CNTNAP2: variants seen among roughly 807,000 people sequenced by gnomAD.
The protein encoded by CNTNAP2 is contactin associated protein 2, also known as contactin-associated protein-like 2.
In CNTNAP2, 98 loss-of-function variants were observed where a neutral mutation model predicts 155.2. The observed-to-expected ratio is 0.63, with a 90% CI of 0.54 to 0.75. The LOEUF (loss-of-function observed/expected upper bound fraction) is 0.75. Ranked by LOEUF, CNTNAP2 falls within the 30% of genes least tolerant of loss-of-function variation. CNTNAP2 has a pLI of 0.00. For missense variants in CNTNAP2, 1,727 were observed against 1,688.1 expected, an observed-to-expected ratio of 1.02 and a Z score of -0.40; for synonymous variants, 651 against 631.2, an observed-to-expected ratio of 1.03 and a Z score of -0.47.
intron 22 of CNTNAP2, among the ~76,000 whole-genome samples, chr7:148,386,909 T>C (rs1417620320): frequency 1.3e-5 from 2 of 152,158 alleles, no homozygotes; most frequent in African/African-American, 4.8e-5. Context: ...AAAAGGCCTC[T>C]ATAGGAGGAA....
chr7:146,831,669 C>CAAA (rs531970313), intron 2 of CNTNAP2, among the ~76,000 whole-genome samples: 276 of 16,778 alleles, frequency 0.016, 24 homozygotes, highest in African/African-American at 0.041. Context: ...AGCAAGACGC[C>CAAA]AAAAAAAAAA....
intron 20 of CNTNAP2, among the ~76,000 whole-genome samples, chr7:148,248,735 CT>C (rs890621737): frequency 1.4e-4 from 21 of 152,088 alleles, no homozygotes; most frequent in Admixed American, 2.6e-4. Context: ...ATAGAGCAGA[CT>C]TTTTTTTATT....
chr7:147,441,971 A>G (rs1329428671), intron 10 of CNTNAP2, among the ~76,000 whole-genome samples: 1 of 151,234 alleles, frequency 6.6e-6, no homozygotes, highest in Non-Finnish European at 1.5e-5. Flanking sequence ...TGAAGCCAGC[A>G]CAGCACTGGG....
At chr7:146,545,323 C>T (rs2533527) in intron 1 of CNTNAP2, among the ~76,000 whole-genome samples, 5,025 of 151,868 alleles carry the variant, frequency 0.033, 292 homozygotes, top group African/African-American at 0.11. Context: ...CACAAAAAAA[C>T]AAAAACTGAT....
intron 3 of CNTNAP2, among the ~76,000 whole-genome samples, chr7:146,846,695 A>G (rs1004293832): frequency 6.6e-6 from 1 of 152,182 alleles, no homozygotes; most frequent in Non-Finnish European, 1.5e-5. Flanking sequence ...GAACTGTTCT[A>G]ACAAATATGG....
chr7:146,621,500 C>T (rs1799316338), intron 1 of CNTNAP2, among the ~76,000 whole-genome samples: 3 of 152,168 alleles, frequency 2.0e-5, no homozygotes, highest in Non-Finnish European at 4.4e-5. Flanking sequence ...TCAGACTTTA[C>T]TTACTTATAA....
chr7:146,566,577 G>C (rs1428307783), intron 1 of CNTNAP2, among the ~76,000 whole-genome samples: 2 of 151,964 alleles, frequency 1.3e-5, no homozygotes, highest in Non-Finnish European at 2.9e-5. Flanking sequence ...GGCGCCTGTA[G>C]TCCCAGCTAC....
chr7:146,608,732 G>A (rs553273660), intron 1 of CNTNAP2, among the ~76,000 whole-genome samples: 32 of 151,944 alleles, frequency 2.1e-4, no homozygotes, highest in African/African-American at 7.5e-4. Context: ...AAGGCTTTTG[G>A]TATTCATTGT....
intron 13 of CNTNAP2, among the ~76,000 whole-genome samples, chr7:147,823,694 A>G (rs1459778213): frequency 6.6e-6 from 1 of 150,956 alleles, no homozygotes; most frequent in Non-Finnish European, 1.5e-5. Flanking sequence ...GCAAAAATCA[A>G]TACCAATTAC....
chr7:147,082,951 G>C (rs989244532), intron 4 of CNTNAP2: 4 of 152,132 alleles, frequency 2.6e-5, no homozygotes, highest in Admixed American at 2.0e-4. Context: ...AATTTCCAGA[G>C]GCAGGGTGAG....
chr7:146,234,750 T>G (rs1478532427), intron 1 of CNTNAP2, among the ~76,000 whole-genome samples: 1 of 152,220 alleles, frequency 6.6e-6, no homozygotes, highest in East Asian at 1.9e-4. Flanking sequence ...GAACTGAAAA[T>G]TCACATCTTA....
intron 3 of CNTNAP2, among the ~76,000 whole-genome samples, chr7:146,905,513 G>C (rs1255202402): frequency 3.3e-5 from 5 of 152,130 alleles, no homozygotes; most frequent in African/African-American, 1.2e-4. Context: ...AGAGTTGCCT[G>C]AGTCTGGCTC....
At chr7:146,768,423 A>C (rs1286643992) in intron 1 of CNTNAP2, among the ~76,000 whole-genome samples, 1 of 151,560 alleles carries the variant, frequency 6.6e-6, no homozygotes, top group Non-Finnish European at 1.5e-5. Flanking sequence ...GCCCCCCCAC[A>C]TTTCTGACCA....
At chr7:146,165,161 A>G (rs1798294047) in intron 1 of CNTNAP2, among the ~76,000 whole-genome samples, 1 of 152,108 alleles carries the variant, frequency 6.6e-6, no homozygotes, top group Non-Finnish European at 1.5e-5. Context: ...TTTCTTTGTT[A>G]TCTTGGAAAA....
intron 15 of CNTNAP2, among the ~76,000 whole-genome samples, chr7:148,107,806 G>C (rs1341452370): frequency 1.3e-5 from 2 of 152,158 alleles, no homozygotes; most frequent in Non-Finnish European, 2.9e-5. Context: ...AGAGTAATTA[G>C]TCTCTTCAGA....
At chr7:146,441,099 A>G (rs1796314208) in intron 1 of CNTNAP2, among the ~76,000 whole-genome samples, 1 of 151,560 alleles carries the variant, frequency 6.6e-6, no homozygotes, top group Non-Finnish European at 1.5e-5. Context: ...GGAGAGATGA[A>G]CGAGGTGATC....
intron 14 of CNTNAP2, among the ~76,000 whole-genome samples, chr7:147,936,455 G>A (rs1444430866): frequency 5.3e-5 from 8 of 151,926 alleles, no homozygotes; most frequent in Admixed American, 3.9e-4. Flanking sequence ...AGAAAGGAGA[G>A]TATTTTTGTA....
chr7:146,216,285 T>C (rs1387227518), intron 1 of CNTNAP2, among the ~76,000 whole-genome samples: 1 of 152,166 alleles, frequency 6.6e-6, no homozygotes, highest in East Asian at 1.9e-4. Flanking sequence ...GTGGGAGATA[T>C]GAGTGGAGAA....
chr7:148,010,583 A>C (rs1019190633), intron 15 of CNTNAP2, among the ~76,000 whole-genome samples: 2 of 151,896 alleles, frequency 1.3e-5, no homozygotes, highest in Non-Finnish European at 2.9e-5. Context: ...ACACATATAC[A>C]ACCAAATTTT....
Sources: allele counts gnomAD v4.1 joint callset (sites outside exome capture counted in the v4.1 genomes callset), GRCh38; gene constraint gnomAD v4.1.1; transcripts MANE v1.5; gene names NCBI Gene and HGNC (gene_info 2026-07-23, HGNC 2026-07-21).